The following DPYD variants were observed in gnomAD, a reference collection of about 807,000 sequenced individuals.
DPYD encodes the protein dihydropyrimidine dehydrogenase.
In DPYD, 109 loss-of-function variants were observed where a neutral mutation model predicts 116.2. That is an observed-to-expected ratio of 0.94 (90% CI 0.80 to 1.10). The LOEUF (loss-of-function observed/expected upper bound fraction) is 1.10. Ranked by LOEUF, DPYD falls within the 50% of genes least tolerant of loss-of-function variation. The pLI, the probability that DPYD is intolerant of heterozygous loss-of-function variation, is 0.00. For synonymous variants in DPYD, 440 were observed against 432.0 expected, an observed-to-expected ratio of 1.02 and a Z score of -0.23; for missense variants, 1,302 against 1,254.5, an observed-to-expected ratio of 1.04 and a Z score of -0.57.
intron 1 of DPYD, among the ~76,000 whole-genome samples, chr1:97,885,183 C>T (rs1399880771): frequency 6.6e-6 from 1 of 151,780 alleles, no homozygotes; most frequent in African/African-American, 2.4e-5. Context: ...GATCACCTTC[C>T]AAATCTAGAT....
At chr1:97,244,920 A>T (rs1662611001) in intron 18 of DPYD, among the ~76,000 whole-genome samples, 1 of 152,080 alleles carries the variant, frequency 6.6e-6, no homozygotes, top group Non-Finnish European at 1.5e-5. Context: ...TACTACTAAG[A>T]TCCATTGATG....
chr1:97,735,612 C>T (rs934517187), intron 4 of DPYD, among the ~76,000 whole-genome samples: 7 of 150,800 alleles, frequency 4.6e-5, no homozygotes, highest in Non-Finnish European at 7.4e-5. Context: ...GGCGTGAACC[C>T]GGGAGGCGGA....
chr1:97,742,395 C>A (rs1664317246), intron 3 of DPYD, among the ~76,000 whole-genome samples: 1 of 152,062 alleles, frequency 6.6e-6, no homozygotes, highest in Non-Finnish European at 1.5e-5. Context: ...CCTTAGCCTT[C>A]TCTCTAAATT....
chr1:97,189,448 A>G (rs1449618750), intron 20 of DPYD, among the ~76,000 whole-genome samples: 1 of 152,188 alleles, frequency 6.6e-6, no homozygotes, highest in Non-Finnish European at 1.5e-5. Context: ...CCAAGCACCA[A>G]AAAGTGAAGA....
chr1:97,880,815 C>G (rs928215265), intron 2 of DPYD, among the ~76,000 whole-genome samples: 1 of 151,704 alleles, frequency 6.6e-6, no homozygotes, highest in Non-Finnish European at 1.5e-5. Flanking sequence ...ATGTTAAATC[C>G]TTTTTCCATG....
At chr1:97,282,680 A>G (rs1481533788) in intron 18 of DPYD, among the ~76,000 whole-genome samples, 1 of 152,104 alleles carries the variant, frequency 6.6e-6, no homozygotes, top group Non-Finnish European at 1.5e-5. Context: ...TTTGTCACCT[A>G]GTTAATCATC....
At chr1:97,764,568 T>C (rs1441466226) in intron 3 of DPYD, among the ~76,000 whole-genome samples, 1 of 152,088 alleles carries the variant, frequency 6.6e-6, no homozygotes, top group Non-Finnish European at 1.5e-5. Context: ...ACAAAGTTAA[T>C]TGTCCAATTT....
intron 1 of DPYD, among the ~76,000 whole-genome samples, chr1:97,920,221 TA>T (rs11442543): frequency 1.3e-5 from 2 of 152,022 alleles, no homozygotes; most frequent in Non-Finnish European, 2.9e-5. Flanking sequence ...CTTATTTACA[TA>T]AAAAAAGATT....
intron 14 of DPYD, among the ~76,000 whole-genome samples, chr1:97,413,912 A>G (rs1674148868): frequency 6.6e-6 from 1 of 151,976 alleles, no homozygotes; most frequent in Non-Finnish European, 1.5e-5. Flanking sequence ...AGATTTATGC[A>G]TTTCTTAAGT....
chr1:97,106,670 G>A (rs936930990), intron 20 of DPYD, among the ~76,000 whole-genome samples: 1 of 152,076 alleles, frequency 6.6e-6, no homozygotes, highest in African/African-American at 2.4e-5. Flanking sequence ...ATAGAGTTAA[G>A]TATGCCATTG....
intron 18 of DPYD, among the ~76,000 whole-genome samples, chr1:97,298,667 G>C (rs1183226167): frequency 6.6e-6 from 1 of 152,146 alleles, no homozygotes; most frequent in Non-Finnish European, 1.5e-5. Flanking sequence ...TGGCTGTATA[G>C]TCAGAGTAAT....
chr1:97,630,527 T>G (rs1435696381), intron 8 of DPYD, among the ~76,000 whole-genome samples: 1 of 152,150 alleles, frequency 6.6e-6, no homozygotes, highest in East Asian at 1.9e-4. Context: ...GACCCTGAAC[T>G]GCTGCTTCTC....
chr1:97,284,680 T>C (rs1219044767), intron 18 of DPYD, among the ~76,000 whole-genome samples: 1 of 152,136 alleles, frequency 6.6e-6, no homozygotes, highest in Non-Finnish European at 1.5e-5. Flanking sequence ...ACTCCCATCC[T>C]GCTACTTCAT....
intron 21 of DPYD, among the ~76,000 whole-genome samples, chr1:97,093,353 T>G (rs1650019539): frequency 6.6e-6 from 1 of 152,126 alleles, no homozygotes; most frequent in Non-Finnish European, 1.5e-5. Flanking sequence ...ACTTCCAACT[T>G]TTTTGGCCTC....
At chr1:97,381,219 G>T (rs1248827454) in intron 15 of DPYD, among the ~76,000 whole-genome samples, 1 of 151,726 alleles carries the variant, frequency 6.6e-6, no homozygotes, top group Non-Finnish European at 1.5e-5. Context: ...TGAAATTAAA[G>T]AAAAATATGA....
chr1:97,490,874 C>T (rs1678933738), intron 13 of DPYD, among the ~76,000 whole-genome samples: 1 of 149,948 alleles, frequency 6.7e-6, no homozygotes, highest in African/African-American at 2.4e-5. Context: ...AAGATGGCTA[C>T]ACCTTTCACT....
chr1:97,879,131 T>C (rs1558027144), intron 2 of DPYD, among the ~76,000 whole-genome samples: 2 of 152,002 alleles, frequency 1.3e-5, no homozygotes, highest in Non-Finnish European at 2.9e-5. Flanking sequence ...TTTCTTATGC[T>C]TCCATGTGCC....
chr1:97,516,005 C>CAA, intron 12 of DPYD, 64 bp from the exon 13 acceptor site: 1 of 1,458,990 alleles, frequency 6.9e-7, no homozygotes, highest in South Asian at 1.2e-5. Context: ...AATATTTTAC[C>CAA]AAAAAAATCA....
At chr1:97,151,570 C>A (rs1570558090) in intron 20 of DPYD, among the ~76,000 whole-genome samples, 1 of 151,900 alleles carries the variant, frequency 6.6e-6, no homozygotes, top group Non-Finnish European at 1.5e-5. Flanking sequence ...AGCTACTCGG[C>A]AGGCTGAGGC....
Sources: gnomAD v4.1 joint callset for allele counts (sites outside exome capture counted in the v4.1 genomes callset) on GRCh38, gnomAD v4.1.1 for gene constraint, MANE v1.5 for transcripts, NCBI Gene and HGNC (gene_info 2026-07-23, HGNC 2026-07-21) for gene names.